The following GDAP1L1 variants were observed in gnomAD, a reference collection of about 807,000 sequenced individuals.
GDAP1L1 encodes the protein ganglioside induced differentiation associated protein 1 like 1.
A neutral mutation model predicts 37.1 loss-of-function variants in GDAP1L1; 21 were observed. The observed-to-expected ratio is 0.57, with a 90% confidence interval of 0.40 to 0.81. GDAP1L1 has a LOEUF of 0.81. Ranked by LOEUF, GDAP1L1 falls within the 40% of genes least tolerant of loss-of-function variation. The pLI is 0.00. For synonymous variants in GDAP1L1, 193 were observed against 209.1 expected, an observed-to-expected ratio of 0.92 and a Z score of 0.67; for missense variants, 362 against 491.6, an observed-to-expected ratio of 0.74 and a Z score of 2.49.
At chr20:44,277,468 G>A (rs1313549032) in intron 5 of GDAP1L1, among the ~76,000 whole-genome samples, 1 of 152,226 alleles carries the variant, frequency 6.6e-6, no homozygotes, top group Admixed American at 6.5e-5. Context: ...GGAGAAGAGT[G>A]AGGAAGCGGG....
In GDAP1L1 at chr20:44,279,848, T is replaced by C. The variant is rs904408078; in HGVS notation, c.*548T>C. The C allele has an allele frequency of 1.1e-5, 5 of 465,762 alleles. No individual in the cohort carries two copies. The highest frequency in any genetic ancestry group is 2.0e-5 in the African/African-American group (1 of 49,898). The allele number at this position is 465,762 out of a possible 1,614,324, so 28.9% of individuals were successfully genotyped here. A position where few individuals can be genotyped will look rare whatever the true frequency, so the allele number is the denominator to read the frequency against. On this transcript the variant is annotated 3_prime_UTR_variant, in exon 6 of 6. Transcript: ENST00000342560. ...ATCAGAAGGGGCTTCACGCTTCTCC[T>C]GGACATGGACTAGCTTGAGCCAAGG...
At chr20:44,274,233 C>T (rs2062549940) in intron 5 of GDAP1L1, among the ~76,000 whole-genome samples, 1 of 152,144 alleles carries the variant, frequency 6.6e-6, no homozygotes, top group Non-Finnish European at 1.5e-5. Flanking sequence ...AAGAACACCA[C>T]ATCCGTAATT....
intron 5 of GDAP1L1, chr20:44,265,129 T>A (rs1428994172): frequency 1.0e-6 from 1 of 985,294 alleles, no homozygotes; most frequent in Non-Finnish European, 1.2e-6. Context: ...CCACTTGCCC[T>A]GCCCAAGAAT....
At chr20:44,278,878 C>A in intron 5 of GDAP1L1, 79 bp from the exon 6 acceptor site, 1 of 886,736 alleles carries the variant, frequency 1.1e-6, no homozygotes, top group Non-Finnish European at 1.8e-6. Flanking sequence ...CATGCAGAAG[C>A]CAGTGGAGCT....
At chr20:44,262,879 C>T (rs1164800752) in intron 3 of GDAP1L1, among the ~76,000 whole-genome samples, 1 of 151,714 alleles carries the variant, frequency 6.6e-6, no homozygotes, top group African/African-American at 2.4e-5. Flanking sequence ...CTACACCTGG[C>T]TAACTTTTTT....
At chr20:44,248,681 A>G (rs954701752) in intron 1 of GDAP1L1, among the ~76,000 whole-genome samples, 5 of 152,220 alleles carry the variant, frequency 3.3e-5, no homozygotes, top group Non-Finnish European at 5.9e-5. Context: ...CTCAAACTTG[A>G]GCGTGCATTA....
chr20:44,276,465 A>G (rs928835288), intron 5 of GDAP1L1, among the ~76,000 whole-genome samples: 3 of 149,704 alleles, frequency 2.0e-5, no homozygotes. Flanking sequence ...AGAAAGAAAG[A>G]AAAAGAAAGG....
At chr20:44,273,318 G>A (rs1398913812) in intron 5 of GDAP1L1, among the ~76,000 whole-genome samples, 1 of 152,174 alleles carries the variant, frequency 6.6e-6, no homozygotes, top group African/African-American at 2.4e-5. Context: ...TTCTTCTCAT[G>A]TCCCTTGCTG....
chr20:44,251,001 C>G (rs1435671891), intron 1 of GDAP1L1, among the ~76,000 whole-genome samples: 1 of 152,250 alleles, frequency 6.6e-6, no homozygotes, highest in African/African-American at 2.4e-5. Context: ...CCCTACCTCT[C>G]GGTGCCCGTT....
At chr20:44,260,980 G>A (rs2073663445) in intron 3 of GDAP1L1, among the ~76,000 whole-genome samples, 1 of 152,232 alleles carries the variant, frequency 6.6e-6, no homozygotes, top group African/African-American at 2.4e-5. Flanking sequence ...AGGGCTGGAG[G>A]CAGTCCCCAA....
intron 3 of GDAP1L1, among the ~76,000 whole-genome samples, chr20:44,261,065 A>G (rs1357616482): frequency 6.6e-6 from 1 of 152,168 alleles, no homozygotes; most frequent in Non-Finnish European, 1.5e-5. Context: ...AGGCACTGGG[A>G]GTCCAGAGCA....
intron 5 of GDAP1L1, among the ~76,000 whole-genome samples, chr20:44,276,176 A>T (rs2062570866): frequency 2.0e-5 from 3 of 151,564 alleles, no homozygotes; most frequent in African/African-American, 7.3e-5. Context: ...ACCAAAAAAA[A>T]AAAAAAATAA....
At chr20:44,264,717 TG>T in intron 5 of GDAP1L1, 158 bp downstream of exon 5, 1 of 1,434,320 alleles carries the variant, frequency 7.0e-7, no homozygotes, top group Non-Finnish European at 9.4e-7. Flanking sequence ...AGTCATAACT[TG>T]GCCACTTCCT....
At chr20:44,258,076 A>T in intron 2 of GDAP1L1, 1 of 696,166 alleles carries the variant, frequency 1.4e-6, no homozygotes, top group Non-Finnish European at 2.7e-6. Flanking sequence ...GGGCCCAGAC[A>T]TGCACTGTTT....
intron 5 of GDAP1L1, among the ~76,000 whole-genome samples, chr20:44,271,953 T>C (rs184264434): frequency 1.3e-5 from 2 of 152,248 alleles, no homozygotes; most frequent in East Asian, 3.9e-4. Flanking sequence ...CACAGGGTCA[T>C]GAGAGCAGAT....
chr20:44,260,590 G>T (rs968394054), intron 3 of GDAP1L1, among the ~76,000 whole-genome samples: 4 of 152,144 alleles, frequency 2.6e-5, no homozygotes, highest in African/African-American at 9.7e-5. Context: ...GATCAGGGAG[G>T]TTCTGGGCAT....
chr20:44,265,463 C>T (rs1255798850), intron 5 of GDAP1L1: 1 of 985,330 alleles, frequency 1.0e-6, no homozygotes, highest in Non-Finnish European at 1.2e-6. Context: ...CAGCCTCCTG[C>T]ACATGCATGG....
intron 5 of GDAP1L1, among the ~76,000 whole-genome samples, chr20:44,268,683 GA>G (rs1481661040): frequency 2.6e-5 from 4 of 152,248 alleles, no homozygotes; most frequent in African/African-American, 7.2e-5. Context: ...GGAGCCTGGA[GA>G]AGAATCAGGG....
chr20:44,271,738 G>T (rs896010926), intron 5 of GDAP1L1, among the ~76,000 whole-genome samples: 1 of 152,152 alleles, frequency 6.6e-6, no homozygotes, highest in African/African-American at 2.4e-5. Context: ...GTAGAAAGGG[G>T]GAATCGGGGG....
Sources: gnomAD v4.1 joint callset for allele counts (sites outside exome capture counted in the v4.1 genomes callset) on GRCh38, gnomAD v4.1.1 for gene constraint, MANE v1.5 for transcripts, NCBI Gene and HGNC (gene_info 2026-07-23, HGNC 2026-07-21) for gene names.